Variants in VPS54 observed in about 807,000 individuals in gnomAD.
VPS54 encodes the protein VPS54 subunit of GARP complex.
A neutral mutation model predicts 121.5 loss-of-function variants in VPS54; 45 were observed. That is an observed-to-expected ratio of 0.37 (90% CI 0.29 to 0.47). VPS54 has a LOEUF of 0.47. Among genes scored for constraint, VPS54 ranks in the 20% least tolerant of loss-of-function variants. The pLI, the probability that VPS54 is intolerant of heterozygous loss-of-function variation, is 0.99. For missense variants in VPS54, 1,090 were observed against 1,131.4 expected (o/e 0.96, Z 0.52); for synonymous variants, 371 against 385.8 (o/e 0.96, Z 0.45).
intron 1 of VPS54, among the ~76,000 whole-genome samples, chr2:63,989,228 A>T (rs1362985541): frequency 3.3e-5 from 5 of 152,132 alleles, no homozygotes; most frequent in African/African-American, 9.7e-5. Flanking sequence ...CTCATTAGTA[A>T]TTCTAGTTTT....
At chr2:63,940,367 T>A (rs1311621715) in intron 11 of VPS54, among the ~76,000 whole-genome samples, 1 of 152,210 alleles carries the variant, frequency 6.6e-6, no homozygotes, top group Non-Finnish European at 1.5e-5. Context: ...AGTACTAGTT[T>A]AAGTGGTCCA....
intron 11 of VPS54, among the ~76,000 whole-genome samples, chr2:63,935,312 G>T (rs574554136): frequency 6.6e-6 from 1 of 152,218 alleles, no homozygotes; most frequent in South Asian, 2.1e-4. Flanking sequence ...ACAGTATACC[G>T]AAGATAGAGC....
At chr2:64,009,903 G>T (rs996659702) in intron 1 of VPS54, among the ~76,000 whole-genome samples, 1 of 150,424 alleles carries the variant, frequency 6.6e-6, no homozygotes, top group Admixed American at 6.6e-5. Context: ...GTGCAGTGGC[G>T]TGATCTCGGC....
intron 11 of VPS54, among the ~76,000 whole-genome samples, chr2:63,936,508 A>AT (rs1475950040): frequency 1.3e-5 from 2 of 152,170 alleles, no homozygotes; most frequent in African/African-American, 2.4e-5. Flanking sequence ...AGCCATATTG[A>AT]TAACCATAAT....
chr2:63,981,982 T>C (rs1380834783), intron 2 of VPS54, 95 bp from the exon 3 acceptor site: 2 of 1,347,786 alleles, frequency 1.5e-6, no homozygotes, highest in East Asian at 2.5e-5. Context: ...ACAGATTCCA[T>C]CTTACGCAAA....
chr2:63,961,972 A>G (rs145576114), intron 7 of VPS54, 86 bp downstream of exon 7: 100 of 1,332,392 alleles, frequency 7.5e-5, no homozygotes, highest in African/African-American at 7.3e-4. Flanking sequence ...AACTTTGAAT[A>G]TATTCACACT....
chr2:63,944,640 C>G lies in VPS54; in HGVS notation c.1261G>C (p.Val421Leu). The change falls in exon 10 of 23, where the codon GTT (valine) becomes CTT (leucine). Residue 421 changes from valine to leucine, a missense_variant. Val to Leu is a conservative substitution (Grantham distance 32). This residue lies in a region of VPS54 where 801 missense variants were observed against 757.0 expected (regional missense o/e 1.06). Transcript: ENST00000272322. ...NIIKQCVINK[V>L]SQTEEIDTDV... Reference sequence around the variant, plus strand: ...GTGTCTATTTCTTCTGTTTGTGAAACTTTATTAATCACACACTGCAAAATT... The same window carrying G: ...GTGTCTATTTCTTCTGTTTGTGAAAGTTTATTAATCACACACTGCAAAATT... 6.2e-7 allele frequency: 1 copy of G among 1,609,324 alleles called. No homozygotes were observed. Among genetic ancestry groups the G allele is most frequent in the Non-Finnish European group, 8.5e-7 (1 of 1,178,282 alleles).
chr2:63,984,476 TATCTC>T (rs1676948786), intron 1 of VPS54, among the ~76,000 whole-genome samples: 1 of 152,212 alleles, frequency 6.6e-6, no homozygotes, highest in South Asian at 2.1e-4. Flanking sequence ...AACGAGATCT[TATCTC>T]ATCAACATCC....
At chr2:63,923,691 A>G (rs1316378711) in intron 12 of VPS54, among the ~76,000 whole-genome samples, 1 of 152,188 alleles carries the variant, frequency 6.6e-6, no homozygotes, top group Non-Finnish European at 1.5e-5. Context: ...TGCAACTCTA[A>G]TATTTTCCAT....
At chr2:63,993,530 TTGTC>T (rs1473533573) in intron 1 of VPS54, among the ~76,000 whole-genome samples, 25 of 152,352 alleles carry the variant, frequency 1.6e-4, no homozygotes, top group African/African-American at 4.3e-4. Context: ...GTCAAAAACT[TTGTC>T]TGTTTATCTG....
intron 7 of VPS54, among the ~76,000 whole-genome samples, chr2:63,951,616 A>G (rs1675248296): frequency 6.6e-6 from 1 of 152,144 alleles, no homozygotes; most frequent in African/African-American, 2.4e-5. Context: ...GGCCATATAC[A>G]GTCTGTGTGC....
intron 1 of VPS54, among the ~76,000 whole-genome samples, chr2:64,016,762 C>T (rs1271804384): frequency 6.6e-6 from 1 of 151,824 alleles, no homozygotes; most frequent in African/African-American, 2.4e-5. Flanking sequence ...GCGCTCACCC[C>T]CATGCCCGGC....
rs1211574270 is a variant in VPS54 at position 63,893,321 on chromosome 2, C to T, written c.*109G>A. The stretch of plus-strand genomic sequence containing the variant: ...CTTTCCTTTTTCCCTTCCCCCACCC[C>T]AGTTCACTTTGGGTTTCAGGTTCAA... On this transcript the variant is annotated 3_prime_UTR_variant, in exon 23 of 23. Transcript: ENST00000272322. 3.2e-6 allele frequency: 3 copies of T among 937,568 alleles called. No homozygotes were observed. The East Asian group carries it at 7.2e-5, about 22-fold the overall frequency. The allele number at this position is 937,568 out of a possible 1,614,324, so 58.1% of individuals were successfully genotyped here.
chr2:63,965,470 C>T lies in VPS54; in HGVS notation c.624+365G>A, dbSNP rs570372686. The stretch of plus-strand genomic sequence containing the variant: ...CAGCCTGGGCAACAGAGCGAGACTC[C>T]GTCTCAAAAAAATAAAAATAAAAAT... On this transcript the variant is annotated intron_variant, in intron 6 of 22. Coordinates refer to ENST00000272322, the MANE Select transcript of VPS54 (RefSeq NM_016516.3). Among the ~76,000 whole-genome samples, 21 of 151,760 alleles carry T rather than the reference C, an allele frequency of 1.4e-4. No individual in the cohort carries two copies. In the East Asian group the frequency reaches 3.7e-3, roughly 27 times the overall value.
intron 1 of VPS54, among the ~76,000 whole-genome samples, chr2:63,999,082 G>A (rs1342045314): frequency 6.6e-6 from 1 of 152,208 alleles, no homozygotes; most frequent in African/African-American, 2.4e-5. Context: ...GAGTAGCTGG[G>A]ATTACAGGCA....
rs777938926 is a variant in VPS54, at chr2:63,933,700, G to A, written c.1712C>T (p.Ser571Phe). 1.9e-6 allele frequency: 3 copies of A among 1,613,130 alleles called. No individual in the cohort carries two copies. The highest frequency in any genetic ancestry group is 4.5e-5 in the East Asian group (2 of 44,886). The part of the protein sequence containing the change: ...SSSSKEHTSS[S>F]AIPGGVDIMV... ...AATATCCACACCTCCTGGAATAGCA[G>A]ATGATGATGTGTGCTCTTTGCTGGA... is the stretch of plus-strand genomic sequence containing the variant. Residue 571 changes from serine (S) to phenylalanine (F), a missense_variant, in exon 12 of 23, where the codon TCT becomes TTT. By Grantham distance (155) the Ser-to-Phe change is radical. This residue lies in a region of VPS54 where 801 missense variants were observed against 757.0 expected (regional missense o/e 1.06). Coordinates refer to ENST00000272322, the MANE Select transcript of VPS54 (RefSeq NM_016516.3).
In VPS54 at chr2:63,962,412, T is replaced by A; in HGVS notation, c.656A>T (p.Asn219Ile). ...LSHYLDIVEV[N>I]IAHQISLRSE... The stretch of plus-strand genomic sequence containing the variant: ...ACGTAGAGAGATCTGGTGAGCAATG[T>A]TTACTTCCACAATATCCAGATAATG... The change falls in exon 7 of 23, where the codon AAC becomes ATC. Residue 219 changes from asparagine (N) to isoleucine (I), a missense_variant. Around this residue, in one of 2 missense-constraint regions of VPS54, gnomAD observed 801 missense variants for 757.0 expected, o/e 1.06. Coordinates refer to ENST00000272322, the MANE Select transcript of VPS54 (RefSeq NM_016516.3). 6.2e-7 allele frequency: 1 copy of A among 1,613,042 alleles called. No individual in the cohort carries two copies. The highest frequency in any genetic ancestry group is 8.5e-7 in the Non-Finnish European group (1 of 1,179,382).
chr2:63,917,333 A>G (rs1198848457), intron 15 of VPS54, among the ~76,000 whole-genome samples: 6 of 152,112 alleles, frequency 3.9e-5, no homozygotes, highest in Non-Finnish European at 1.5e-5. Flanking sequence ...TGATCAGCAA[A>G]TAGTTTTTTA....
intron 1 of VPS54, among the ~76,000 whole-genome samples, chr2:64,009,410 G>A (rs1421250546): frequency 6.6e-6 from 1 of 151,864 alleles, no homozygotes; most frequent in African/African-American, 2.4e-5. Flanking sequence ...CCGCCTCCCG[G>A]GTTCAAGCGA....
Sources: allele counts gnomAD v4.1 joint callset (sites outside exome capture counted in the v4.1 genomes callset), GRCh38; gene constraint gnomAD v4.1.1; regional missense constraint gnomAD v4.1.1; transcripts MANE v1.5; gene names NCBI Gene and HGNC (gene_info 2026-07-23, HGNC 2026-07-21).